Variants in HHIPL2 observed in about 807,000 individuals in gnomAD.
HHIPL2 encodes the protein HHIP-like protein 2.
In HHIPL2, 61 loss-of-function variants were observed where a neutral mutation model predicts 61.0. That is an observed-to-expected ratio of 1.00 (90% CI 0.81 to 1.24). The LOEUF (loss-of-function observed/expected upper bound fraction) is 1.24. Ranked by LOEUF, HHIPL2 falls within the 50% of genes most tolerant of loss-of-function variation. The pLI is 0.00. For missense variants in HHIPL2, 885 were observed against 910.2 expected, an observed-to-expected ratio of 0.97 and a Z score of 0.36; for synonymous variants, 343 against 357.4, an observed-to-expected ratio of 0.96 and a Z score of 0.45.
In HHIPL2 at chr1:222,523,627, A is replaced by G; in HGVS notation, c.1873T>C (p.Phe625Leu). Residue 625 changes from phenylalanine to leucine, a missense_variant, in exon 8 of 9, where the codon TTC becomes CTC. Transcript: ENST00000343410. ...ATGGACTCACTGGCGAGTGGTCTGA[A>G]CGGGATCCGCTTACTCTTGGTTCTC... ...PVRTKSKRIP[F>L]RPLAKTVLDL... is the part of the protein sequence containing the mutation. 1 of 1,614,162 alleles carries G rather than the reference A, an allele frequency of 6.2e-7. No individual in the cohort carries two copies. The highest frequency in any genetic ancestry group is 1.1e-5 in the South Asian group (1 of 91,082).
At chr1:222,529,622 AC>A (rs1659147136) in intron 6 of HHIPL2, among the ~76,000 whole-genome samples, 1 of 152,212 alleles carries the variant, frequency 6.6e-6, no homozygotes, top group Non-Finnish European at 1.5e-5. Context: ...GGGGAGAAAA[AC>A]AAAAAAACTA....
chr1:222,528,636 A>G (rs1659120592), intron 6 of HHIPL2, among the ~76,000 whole-genome samples: 1 of 152,114 alleles, frequency 6.6e-6, no homozygotes, highest in Non-Finnish European at 1.5e-5. Context: ...GTGTTCGATA[A>G]TCGTAGTTAT....
At chr1:222,527,780 T>A (rs1427571415) in intron 6 of HHIPL2, among the ~76,000 whole-genome samples, 2 of 152,188 alleles carry the variant, frequency 1.3e-5, no homozygotes, top group African/African-American at 2.4e-5. Context: ...ATAAGTCTCA[T>A]GAGCTCCGAT....
chr1:222,547,451 A>G (rs1659578053), intron 1 of HHIPL2, among the ~76,000 whole-genome samples: 1 of 152,168 alleles, frequency 6.6e-6, no homozygotes, highest in African/African-American at 2.4e-5. Flanking sequence ...GGCTGCTCTG[A>G]GAGCTCCAGG....
At position 222,522,754 on chromosome 1, in the gene HHIPL2, G is replaced by A. The variant is rs757505226; in HGVS notation, c.2022C>T (p.Ser674=). The change falls in exon 9 of 9, where the codon AGC becomes AGT. Residue 674 remains serine, a synonymous_variant. Coordinates refer to ENST00000343410, the MANE Select transcript of HHIPL2 (RefSeq NM_024746.4). ...CAGGCCCTCGCAATGTATTCTTGCT[G>A]CTTGTAGGAGAAGCCAGCTTCTTGG... is the stretch of plus-strand genomic sequence containing the variant. ...GSSKKLASPT[S]SKNTLRGPGT... 1.9e-6 allele frequency: 3 copies of A among 1,614,114 alleles called. No homozygotes were observed. Among genetic ancestry groups the A allele is most frequent in the East Asian group, 4.5e-5 (2 of 44,864 alleles).
chr1:222,544,956 T>C (rs1259447745), intron 1 of HHIPL2, among the ~76,000 whole-genome samples: 3 of 152,242 alleles, frequency 2.0e-5, no homozygotes, highest in Non-Finnish European at 2.9e-5. Context: ...CTGGAACCTA[T>C]ACACATTTGA....
At chr1:222,542,528 C>CTTTTTTTTTTTT (rs772394115) in intron 2 of HHIPL2, among the ~76,000 whole-genome samples, 1 of 97,174 alleles carries the variant, frequency 1.0e-5, no homozygotes, top group East Asian at 3.7e-4. Flanking sequence ...CCACATCTGG[C>CTTTTTTTTTTTT]TTTTTTTTTT....
At position 222,542,024 on chromosome 1, in the gene HHIPL2, T is replaced by C. The variant is rs941670471; in HGVS notation, c.1106A>G (p.Asn369Ser). The C allele has an allele frequency of 1.9e-6, 3 of 1,612,886 alleles. No homozygotes were observed. Among genetic ancestry groups the C allele is most frequent in the Non-Finnish European group, 2.5e-6 (3 of 1,179,804 alleles). The stretch of plus-strand genomic sequence containing the variant: ...CCATCCAGCTTACTTGTTCTGAGCA[T>C]TTCCAAACAGGCCAAAGGGATCTCC... ...QAGDPFGLFG[N>S]AQNKSSLLGK... The change falls in exon 3 of 9, where the codon AAT (asparagine) becomes AGT (serine). Residue 369 changes from asparagine (N) to serine (S), a missense_variant. By Grantham distance (46) the Asn-to-Ser change is conservative (BLOSUM62 1). Transcript: ENST00000343410.
chr1:222,542,275 G>T, intron 2 of HHIPL2, 120 bp from the exon 3 acceptor site: 1 of 1,135,208 alleles, frequency 8.8e-7, no homozygotes, highest in Non-Finnish European at 1.3e-6. Context: ...GCCAAGACCT[G>T]CTTCTGAGTT....
chr1:222,542,018 T>G lies in HHIPL2; in HGVS notation c.1112A>C (p.Gln371Pro). The part of the protein sequence containing the change: ...GDPFGLFGNA[Q>P]NKSSLLGKVL... Reference sequence around the variant, plus strand: ...CGGCCCCCATCCAGCTTACTTGTTCTGAGCATTTCCAAACAGGCCAAAGGG... The same window carrying G: ...CGGCCCCCATCCAGCTTACTTGTTCGGAGCATTTCCAAACAGGCCAAAGGG... Residue 371 changes from glutamine (Q) to proline (P), a missense_variant, in exon 3 of 9, where the codon CAG (glutamine) becomes CCG (proline). Coordinates refer to ENST00000343410, the MANE Select transcript of HHIPL2 (RefSeq NM_024746.4). 2 of 1,611,404 alleles carry G rather than the reference T, an allele frequency of 1.2e-6. No homozygotes were observed. The highest frequency in any genetic ancestry group is 1.7e-6 in the Non-Finnish European group (2 of 1,179,438).
intron 4 of HHIPL2, among the ~76,000 whole-genome samples, chr1:222,539,214 G>A (rs1307650902): frequency 6.6e-6 from 1 of 152,128 alleles, no homozygotes; most frequent in African/African-American, 2.4e-5. Flanking sequence ...AGTTTCTAAA[G>A]TACACCTTGA....
Position 222,548,048 on chromosome 1 carries a change from G to C in HHIPL2, c.-4C>G, listed in dbSNP as rs1659598376. 6.5e-7 allele frequency: 1 copy of C among 1,543,984 alleles called. No homozygotes were observed. The highest frequency in any genetic ancestry group is 1.9e-5 in the Admixed American group (1 of 51,920). Reference sequence around the variant, plus strand: ...TAGGAGTGGACGTTCTCAGCATTTTGGCCTTGGGAACACTCGGGCTGCTGT... The same window carrying C: ...TAGGAGTGGACGTTCTCAGCATTTTCGCCTTGGGAACACTCGGGCTGCTGT... On this transcript the variant is annotated 5_prime_UTR_variant, in exon 1 of 9. Coordinates refer to ENST00000343410, the MANE Select transcript of HHIPL2 (RefSeq NM_024746.4).
chr1:222,537,668 C>T (rs1285434209), intron 5 of HHIPL2, among the ~76,000 whole-genome samples: 2 of 151,008 alleles, frequency 1.3e-5, no homozygotes, highest in African/African-American at 2.4e-5. Flanking sequence ...TGTCTCTATT[C>T]ACAGACCTTC....
In HHIPL2 at chr1:222,544,158, T is replaced by A; in HGVS notation, c.353A>T (p.Asp118Val). 6.2e-7 allele frequency: 1 copy of A among 1,613,338 alleles called. No homozygotes were observed. Among genetic ancestry groups the A allele is most frequent in the Non-Finnish European group, 8.5e-7 (1 of 1,179,988 alleles). Residue 118 changes from aspartate (D) to valine (V), a missense_variant, in exon 2 of 9, where the codon GAC (aspartate) becomes GTC (valine). Asp to Val is a radical substitution (Grantham distance 152). Coordinates refer to ENST00000343410, the MANE Select transcript of HHIPL2 (RefSeq NM_024746.4). ...GAGAGGCGTCTGGGTGTTTTCGGCG[T>A]CGTAGAGGTGGGCTGCGTAGGGCGA... ...ECSPYAAHLYDAENTQTPLRN... is the reference protein window; with the variant it reads ...ECSPYAAHLYVAENTQTPLRN...
In HHIPL2 at chr1:222,540,352, G is replaced by A. The variant is rs755364161; in HGVS notation, c.1119-11C>T. On this transcript the variant is annotated splice_polypyrimidine_tract_variant and intron_variant, in intron 3 of 8. Transcript: ENST00000343410. Reference sequence around the variant, plus strand: ...CCCAGCAGGGAACTTCTGAAAGAAAGAAGGCCAAGAAGCAGAATGAGGTAA... The same window carrying A: ...CCCAGCAGGGAACTTCTGAAAGAAAAAAGGCCAAGAAGCAGAATGAGGTAA... 5.7e-6 allele frequency: 9 copies of A among 1,591,200 alleles called. No homozygotes were observed. The Admixed American group carries it at 1.6e-4, about 28-fold the overall frequency.
Position 222,522,655 on chromosome 1 carries a change from A to T in HHIPL2, c.2121T>A (p.Ser707Arg). ...GKRRKSLKSH[S>R]GRMRPSAEQK... ...GCTCTGCTGATGGCCTCATCCTGCC[A>T]CTGTGGCTTTTCAGGCTCTTCCTCC... Residue 707 changes from serine (S) to arginine (R), a missense_variant, in exon 9 of 9, where the codon AGT becomes AGA. Ser to Arg is a moderately radical substitution (Grantham distance 110, BLOSUM62 -1). Transcript: ENST00000343410. 1 of 1,614,172 alleles carries T rather than the reference A, an allele frequency of 6.2e-7. No homozygotes were observed. The highest frequency in any genetic ancestry group is 8.5e-7 in the Non-Finnish European group (1 of 1,180,038).
intron 6 of HHIPL2, 138 bp from the exon 7 acceptor site, chr1:222,527,188 T>C: frequency 6.0e-6 from 4 of 667,936 alleles, no homozygotes; most frequent in Non-Finnish European, 1.1e-5. Context: ...CCCAGAAACC[T>C]AACTGGCATC....
At chr1:222,526,791 G>A (rs1054919337) in intron 7 of HHIPL2, among the ~76,000 whole-genome samples, 178 bp downstream of exon 7, 3 of 150,914 alleles carry the variant, frequency 2.0e-5, no homozygotes, top group Non-Finnish European at 2.9e-5. Context: ...CAAAGAGACC[G>A]TTTCCCAAGT....
Position 222,544,061 on chromosome 1 carries a change from C to A in HHIPL2, c.450G>T (p.Leu150=). The A allele has an allele frequency of 6.2e-7, 1 of 1,614,134 alleles. No individual in the cohort carries two copies. Among genetic ancestry groups the A allele is most frequent in the Non-Finnish European group, 8.5e-7 (1 of 1,180,034 alleles). Residue 150 remains leucine, a synonymous_variant, in exon 2 of 9, where the codon CTG becomes CTT. Coordinates refer to ENST00000343410, the MANE Select transcript of HHIPL2 (RefSeq NM_024746.4). ...FHSNCHSAIS[L]LTNDRGLQES... is the part of the protein sequence containing the mutation. ...CCTGGAGGCCGCGGTCATTGGTCAG[C>A]AGGGAAATGGCTGAGTGACAGTTAG...
Sources: gnomAD v4.1 joint callset for allele counts (sites outside exome capture counted in the v4.1 genomes callset) on GRCh38, gnomAD v4.1.1 for gene constraint, MANE v1.5 for transcripts, NCBI Gene and HGNC (gene_info 2026-07-23, HGNC 2026-07-21) for gene names.